ABCA10: variants seen among roughly 807,000 people sequenced by gnomAD.
ABCA10 encodes the protein ATP-binding cassette sub-family A member 10.
A neutral mutation model predicts 187.5 loss-of-function variants in ABCA10; 169 were observed. The ratio of observed to expected loss-of-function variants is 0.90; its 90% CI spans 0.80 to 1.02. The LOEUF (loss-of-function observed/expected upper bound fraction) is 1.02. Ranked by LOEUF, ABCA10 falls within the 50% of genes least tolerant of loss-of-function variation. The probability of loss-of-function intolerance (pLI) is 0.00; values close to 1 mark genes in which losing one functional copy is unlikely to be tolerated. For synonymous variants in ABCA10, 574 were observed against 601.8 expected (o/e 0.95, Z 0.68); for missense variants, 1,727 against 1,812.4 (o/e 0.95, Z 0.86).
rs372290702 is a variant in ABCA10, at chr17:69,153,522, C to G, written c.3990G>C (p.Gln1330His). The change falls in exon 33 of 39, where the codon CAG (glutamine) becomes CAC (histidine). Residue 1330 changes from glutamine (Q) to histidine (H), a missense_variant. By Grantham distance (24) the Gln-to-His change is conservative (BLOSUM62 0). Coordinates refer to ENST00000690296, the MANE Select transcript of ABCA10 (RefSeq NM_001377321.1). The part of the protein sequence containing the change: ...ISRLVEALKL[Q>H]EQLKAPVKTL... ...TTTTCACAGGAGCCTTAAGTTGTTC[C>G]TGGAGCTTAAGAGCTTCCACCAATC... is the stretch of plus-strand genomic sequence containing the variant. 8.1e-6 allele frequency: 13 copies of G among 1,614,004 alleles called. No homozygotes were observed. The highest frequency in any genetic ancestry group is 1.1e-5 in the Non-Finnish European group (13 of 1,180,014).
chr17:69,223,499 T>C, intron 3 of ABCA10: 1 of 304,160 alleles, frequency 3.3e-6, no homozygotes, highest in Non-Finnish European at 6.4e-6. Flanking sequence ...TGAAAATCAC[T>C]GGTCCAATTA....
chr17:69,198,121 A>C (rs1247340740), intron 10 of ABCA10, among the ~76,000 whole-genome samples: 2 of 152,120 alleles, frequency 1.3e-5, no homozygotes, highest in Non-Finnish European at 2.9e-5. Context: ...CCATCCTGTG[A>C]CCTACAAAAT....
chr17:69,188,725 CTCT>C (rs1166884006), intron 18 of ABCA10, among the ~76,000 whole-genome samples: 1 of 151,720 alleles, frequency 6.6e-6, no homozygotes. Context: ...GTCTGTTGTT[CTCT>C]TCTTTGTATT....
At chr17:69,161,730 A>G (rs2074220128) in intron 27 of ABCA10, among the ~76,000 whole-genome samples, 1 of 152,214 alleles carries the variant, frequency 6.6e-6, no homozygotes, top group Non-Finnish European at 1.5e-5. Context: ...GAAAATAGGT[A>G]CATTCATTTG....
At chr17:69,229,556 T>C (rs982691437), upstream of ABCA10, among the ~76,000 whole-genome samples, 7 of 151,998 alleles carry the variant, frequency 4.6e-5, no homozygotes, top group Non-Finnish European at 8.8e-5. Context: ...AATACACTTC[T>C]TGGTATGCAT....
At chr17:69,167,207 A>G (rs192558090) in intron 25 of ABCA10, among the ~76,000 whole-genome samples, 139 of 152,320 alleles carry the variant, frequency 9.1e-4, no homozygotes, top group African/African-American at 3.1e-3. Flanking sequence ...ACTGACGGCA[A>G]CAAAGCGGTC....
chr17:69,217,370 T>A (rs2074714277), intron 6 of ABCA10, among the ~76,000 whole-genome samples: 1 of 152,192 alleles, frequency 6.6e-6, no homozygotes, highest in Admixed American at 6.5e-5. Context: ...AGGTATGTTT[T>A]AAACAACCAC....
rs759739263 is a variant in ABCA10 at position 69,214,783 on chromosome 17, C to CA, written c.926dup (p.Met309IlefsTer11). ...ATGCCAAAATGAAAAAAGTGGCTAT[C>CA]ATTTTGTATGAATCCCCAGAGGGAT... On this transcript the variant is annotated frameshift_variant, in exon 9 of 39. Transcript: ENST00000690296. LOFTEE classifies it high-confidence loss of function. The CA allele has an allele frequency of 2.7e-5, 40 of 1,508,554 alleles. 2 individuals are homozygous for CA. The South Asian group carries it at 4.9e-4, about 19-fold the overall frequency. The allele number at this position is 1,508,554 out of a possible 1,614,324, so 93.4% of individuals were successfully genotyped here. A position where few individuals can be genotyped will look rare whatever the true frequency, so the allele number is the denominator to read the frequency against.
intron 27 of ABCA10, among the ~76,000 whole-genome samples, chr17:69,161,492 A>G (rs975710934): frequency 6.6e-6 from 1 of 152,222 alleles, no homozygotes; most frequent in Non-Finnish European, 1.5e-5. Context: ...GACTAGAAAC[A>G]AATAGGTAAA....
intron 34 of ABCA10, 113 bp downstream of exon 34, chr17:69,153,192 T>C: frequency 1.6e-6 from 2 of 1,263,232 alleles, no homozygotes; most frequent in Non-Finnish European, 2.2e-6. Flanking sequence ...ATAGAAGATG[T>C]GCACATCAAA....
Position 69,187,769 on chromosome 17 carries a change from T to C in ABCA10, c.2242A>G (p.Ser748Gly). The change falls in exon 19 of 39, where the codon AGT (serine) becomes GGT (glycine). Residue 748 changes from serine (S) to glycine (G), a missense_variant. Physicochemically the swap from Ser to Gly is moderately conservative, Grantham distance 56 (BLOSUM62 0). Transcript: ENST00000690296. ...ATTTGTCGTCTCCAGAGAGCTGCACTACTGACAGCCTTTCTTGTTTCAGGA... is the reference window on the plus strand; with the variant it reads ...ATTTGTCGTCTCCAGAGAGCTGCACCACTGACAGCCTTTCTTGTTTCAGGA... ...SLPETRKAVS[S>G]AALWRRQIYA... 1.2e-6 allele frequency: 2 copies of C among 1,613,970 alleles called. No homozygotes were observed. The highest frequency in any genetic ancestry group is 2.2e-5 in the South Asian group (2 of 91,074).
At chr17:69,154,104 T>C (rs766837501) in intron 31 of ABCA10, 95 bp from the exon 32 acceptor site, 149 of 1,502,866 alleles carry the variant, frequency 9.9e-5, no homozygotes, top group Non-Finnish European at 1.3e-4. Flanking sequence ...GCTACAATAT[T>C]TTTTGAATAC....
chr17:69,214,281 C>T (rs544291990), intron 9 of ABCA10, among the ~76,000 whole-genome samples: 36 of 152,170 alleles, frequency 2.4e-4, no homozygotes, highest in African/African-American at 7.7e-4. Flanking sequence ...TTTGGGAGGC[C>T]GAGGCGGGCG....
intron 32 of ABCA10, 125 bp downstream of exon 32, chr17:69,153,706 A>C: frequency 6.9e-7 from 1 of 1,444,084 alleles, no homozygotes; most frequent in Non-Finnish European, 9.3e-7. Context: ...TTATTCAGGT[A>C]TTTGAATCAT....
At chr17:69,191,930 A>T (rs2074463080) in intron 16 of ABCA10, among the ~76,000 whole-genome samples, 1 of 152,224 alleles carries the variant, frequency 6.6e-6, no homozygotes, top group Admixed American at 6.5e-5. Flanking sequence ...TTAGATTTGG[A>T]ATATAACTAC....
rs4968843 is a variant in ABCA10 at position 69,148,056 on chromosome 17, G to T, written c.*771C>A. ...TAAGAAATAAACTTGCATATAACCC[G>T]AACGTAACAACTCTGGTATTACATC... On this transcript the variant is annotated 3_prime_UTR_variant, in exon 39 of 39. Coordinates refer to ENST00000690296, the MANE Select transcript of ABCA10 (RefSeq NM_001377321.1). 5 of 152,062 alleles carry T rather than the reference G, an allele frequency of 3.3e-5. No homozygotes were observed. The East Asian group carries it at 9.7e-4, about 29-fold the overall frequency. 9.4% of individuals were successfully genotyped at this position (152,062 alleles called of 1,614,324 possible). A position where few individuals can be genotyped will look rare whatever the true frequency, so the allele number is the denominator to read the frequency against.
intron 2 of ABCA10, among the ~76,000 whole-genome samples, chr17:69,225,900 C>T (rs2144853384): frequency 6.6e-6 from 1 of 152,116 alleles, no homozygotes; most frequent in African/African-American, 2.4e-5. Flanking sequence ...ATCCAGCTCA[C>T]TGCTTACAAA....
intron 22 of ABCA10, among the ~76,000 whole-genome samples, chr17:69,176,103 T>C (rs1197979201): frequency 6.6e-6 from 1 of 152,180 alleles, no homozygotes; most frequent in Non-Finnish European, 1.5e-5. Context: ...TTAGAGGGCA[T>C]GAGCAGTTTC....
At chr17:69,160,556 G>A (rs1480524783) in intron 27 of ABCA10, among the ~76,000 whole-genome samples, 3 of 152,002 alleles carry the variant, frequency 2.0e-5, no homozygotes, top group South Asian at 2.1e-4. Flanking sequence ...GCAGAGAGCC[G>A]AGATTGCACC....
Sources: gnomAD v4.1 joint callset for allele counts (sites outside exome capture counted in the v4.1 genomes callset) on GRCh38, gnomAD v4.1.1 for gene constraint, MANE v1.5 for transcripts, NCBI Gene and HGNC (gene_info 2026-07-23, HGNC 2026-07-21) for gene names.